Variants in DHTKD1 observed in about 807,000 individuals in gnomAD.
DHTKD1 encodes 2-oxoadipate dehydrogenase complex component E1.
A neutral mutation model predicts 101.8 loss-of-function variants in DHTKD1; 78 were observed. The ratio of observed to expected loss-of-function variants is 0.77; its 90% CI spans 0.64 to 0.93. DHTKD1 has a LOEUF of 0.93. Among genes scored for constraint, DHTKD1 ranks in the 40% least tolerant of loss-of-function variants. The pLI, the probability that DHTKD1 is intolerant of heterozygous loss-of-function variation, is 0.00. For synonymous variants in DHTKD1, 462 were observed against 450.3 expected, an observed-to-expected ratio of 1.03 and a Z score of -0.33; for missense variants, 1,223 against 1,161.7, an observed-to-expected ratio of 1.05 and a Z score of -0.77.
chr10:12,081,678 G>T (rs1832821849), intron 2 of DHTKD1, 51 bp downstream of exon 2: 1 of 1,605,090 alleles, frequency 6.2e-7, no homozygotes, highest in Non-Finnish European at 8.5e-7. Flanking sequence ...ACCAGGCCAG[G>T]CTCCTGCCTC....
intron 1 of DHTKD1, among the ~76,000 whole-genome samples, chr10:12,076,280 A>G (rs1348041081): frequency 1.3e-5 from 2 of 152,222 alleles, no homozygotes; most frequent in Non-Finnish European, 2.9e-5. Context: ...GATACAGACT[A>G]TCCTGGCTAA....
At position 12,069,096 on chromosome 10, in the gene DHTKD1, G is replaced by T. The variant is rs1356360135; in HGVS notation, c.63G>T (p.Trp21Cys). ...RGLGRALPLF[W>C]RGYQTERGVY... ...TCGGCCGGGCTCTCCCTCTCTTCTG[G>T]CGTGGCTACCAGACCGAGCGGGGCG... is the stretch of plus-strand genomic sequence containing the variant. The change falls in exon 1 of 17, where the codon TGG becomes TGT. Residue 21 changes from tryptophan (W) to cysteine (C), a missense_variant. By Grantham distance (215) the Trp-to-Cys change is radical. Coordinates refer to ENST00000263035, the MANE Select transcript of DHTKD1 (RefSeq NM_018706.7). The T allele has an allele frequency of 6.2e-7, 1 of 1,612,182 alleles. No homozygotes were observed.
At chr10:12,102,810 C>G (rs1833191019) in intron 10 of DHTKD1, among the ~76,000 whole-genome samples, 1 of 152,170 alleles carries the variant, frequency 6.6e-6, no homozygotes, top group African/African-American at 2.4e-5. Flanking sequence ...CTCACTGCAA[C>G]CTCTGCCTCC....
At chr10:12,119,615 C>CAAA (rs71382684) in intron 15 of DHTKD1, among the ~76,000 whole-genome samples, 63 of 89,338 alleles carry the variant, frequency 7.1e-4, no homozygotes, top group African/African-American at 2.5e-3. Context: ...GACTCCGTCT[C>CAAA]AAAAAAAAAA....
chr10:12,096,701 A>T (rs1281422626), intron 7 of DHTKD1, among the ~76,000 whole-genome samples: 1 of 152,336 alleles, frequency 6.6e-6, no homozygotes, highest in African/African-American at 2.4e-5. Flanking sequence ...TTTTATCAGG[A>T]TTAAATATGA....
intron 8 of DHTKD1, among the ~76,000 whole-genome samples, chr10:12,099,186 TA>T (rs553524920): frequency 3.9e-4 from 55 of 141,644 alleles, no homozygotes; most frequent in African/African-American, 5.4e-4. Context: ...AAGAGGAAAT[TA>T]AAAAAAAAAA....
At position 12,120,184 on chromosome 10, in the gene DHTKD1, C is replaced by T. The variant is rs769419156; in HGVS notation, c.2575C>T (p.His859Tyr). 12 of 1,612,768 alleles carry T rather than the reference C, an allele frequency of 7.4e-6. No homozygotes were observed. Among genetic ancestry groups the T allele is most frequent in the Non-Finnish European group, 1.0e-5 (12 of 1,179,174 alleles). ...EMSKYKHVKDHIWSQEEPQNM... is the reference protein window; with the variant it reads ...EMSKYKHVKDYIWSQEEPQNM... The stretch of plus-strand genomic sequence containing the variant: ...TGAAAGAATTTCTTCTCTCATAGAT[C>T]ATATTTGGAGTCAGGAGGAACCTCA... The change falls in exon 16 of 17, where the codon CAT becomes TAT. Residue 859 changes from histidine to tyrosine, a missense_variant and splice_region_variant. Coordinates refer to ENST00000263035, the MANE Select transcript of DHTKD1 (RefSeq NM_018706.7).
intron 7 of DHTKD1, among the ~76,000 whole-genome samples, chr10:12,095,829 A>AAAG (rs1161503766): frequency 9.9e-5 from 9 of 90,534 alleles, no homozygotes; most frequent in Non-Finnish European, 1.7e-4. Flanking sequence ...AAAAAAAAAA[A>AAAG]AAAAGAAAAG....
At chr10:12,083,015 C>A (rs1325204425) in intron 2 of DHTKD1, among the ~76,000 whole-genome samples, 1 of 152,090 alleles carries the variant, frequency 6.6e-6, no homozygotes, top group South Asian at 2.1e-4. Context: ...GTAGCAGGCA[C>A]CTGTAGTCCC....
chr10:12,091,612 A>T lies in DHTKD1; in HGVS notation c.1087A>T (p.Ile363Phe). Residue 363 changes from isoleucine (I) to phenylalanine (F), a missense_variant, in exon 6 of 17, where the codon ATT (isoleucine) becomes TTT (phenylalanine). Ile to Phe is a conservative substitution (Grantham distance 21, BLOSUM62 0). Transcript: ENST00000263035. ...CAGAATTGGTGGGAGTGTGCATTTGATTGTTAATAACCAGCTGGGTTACAC... is the reference window on the plus strand; with the variant it reads ...CAGAATTGGTGGGAGTGTGCATTTGTTTGTTAATAACCAGCTGGGTTACAC... The part of the protein sequence containing the change: ...HFRIGGSVHL[I>F]VNNQLGYTTP... 6.2e-7 allele frequency: 1 copy of T among 1,613,694 alleles called. No individual in the cohort carries two copies. Among genetic ancestry groups the T allele is most frequent in the East Asian group, 2.2e-5 (1 of 44,860 alleles).
chr10:12,121,770 A>G lies in DHTKD1; in HGVS notation c.*882A>G, dbSNP rs946022732. Reference sequence around the variant, plus strand: ...GCAAGACTCCATCTCATAAATTAAAAGGAAAGTATGATAGTGTTATGGATT... The same window carrying G: ...GCAAGACTCCATCTCATAAATTAAAGGGAAAGTATGATAGTGTTATGGATT... On this transcript the variant is annotated 3_prime_UTR_variant, in exon 17 of 17. Coordinates refer to ENST00000263035, the MANE Select transcript of DHTKD1 (RefSeq NM_018706.7). The G allele has an allele frequency of 6.6e-6, 1 of 152,188 alleles. No individual in the cohort carries two copies. Among genetic ancestry groups the G allele is most frequent in the Non-Finnish European group, 1.5e-5 (1 of 68,038 alleles). The allele number at this position is 152,188 out of a possible 1,614,324, so 9.4% of individuals were successfully genotyped here. A position where few individuals can be genotyped will look rare whatever the true frequency, so the allele number is the denominator to read the frequency against.
In DHTKD1 at chr10:12,106,231, C is replaced by G; in HGVS notation, c.1897-15C>G. 1 of 1,614,124 alleles carries G rather than the reference C, an allele frequency of 6.2e-7. No homozygotes were observed. The highest frequency in any genetic ancestry group is 2.2e-5 in the East Asian group (1 of 44,882). On this transcript the variant is annotated splice_polypyrimidine_tract_variant and intron_variant, in intron 10 of 16. Coordinates refer to ENST00000263035, the MANE Select transcript of DHTKD1 (RefSeq NM_018706.7). Reference sequence around the variant, plus strand: ...GCCCTCACATGCAGCGTTTCCTTCTCTTCTCTGGGATTAGGTCAGCAACAG... The same window carrying G: ...GCCCTCACATGCAGCGTTTCCTTCTGTTCTCTGGGATTAGGTCAGCAACAG...
chr10:12,112,500 GCACACACACA>G (rs141598482), intron 12 of DHTKD1, among the ~76,000 whole-genome samples: 128 of 151,054 alleles, frequency 8.5e-4, no homozygotes, highest in South Asian at 2.3e-3. Context: ...AAGCACGCGT[GCACACACACA>G]CACACACACA....
intron 16 of DHTKD1, 72 bp downstream of exon 16, chr10:12,120,339 C>CTTT: frequency 1.5e-5 from 16 of 1,065,132 alleles, no homozygotes; most frequent in Middle Eastern, 2.4e-4. Context: ...TTCTTTCTTT[C>CTTT]TTTTTTTTTT....
At chr10:12,105,852 T>C (rs976945343) in intron 10 of DHTKD1, among the ~76,000 whole-genome samples, 1 of 152,022 alleles carries the variant, frequency 6.6e-6, no homozygotes, top group African/African-American at 2.4e-5. Context: ...CCCAGCACTT[T>C]GGGGGGCCAA....
At chr10:12,078,409 A>G (rs1832765839) in intron 1 of DHTKD1, among the ~76,000 whole-genome samples, 1 of 151,934 alleles carries the variant, frequency 6.6e-6, no homozygotes, top group African/African-American at 2.4e-5. Context: ...TGGGCAACAG[A>G]GCAAGACTCC....
Position 12,083,490 on chromosome 10 carries a change from T to G in DHTKD1, c.311-1050T>G, listed in dbSNP as rs188923999. Among the ~76,000 whole-genome samples the G allele has an allele frequency of 3.8e-3, 574 of 152,140 alleles. 2 individuals carry two copies. Among genetic ancestry groups the G allele is most frequent in the Non-Finnish European group, 6.2e-3 (422 of 68,000 alleles). ...TGGCTTATGCCTGTAATCTCAGCAC[T>G]TGGAGAGGCCGAGGCAAGAGGATCA... On this transcript the variant is annotated intron_variant, in intron 2 of 16. Coordinates refer to ENST00000263035, the MANE Select transcript of DHTKD1 (RefSeq NM_018706.7).
chr10:12,078,658 G>A (rs1019067466), intron 1 of DHTKD1, among the ~76,000 whole-genome samples: 9 of 152,104 alleles, frequency 5.9e-5, no homozygotes, highest in East Asian at 3.9e-4. Context: ...GCATTGACAT[G>A]GGTTCTTCTC....
chr10:12,088,851 C>T, intron 4 of DHTKD1, 135 bp from the exon 5 acceptor site: 1 of 793,352 alleles, frequency 1.3e-6, no homozygotes, highest in Non-Finnish European at 2.0e-6. Flanking sequence ...TCCCAAAGTG[C>T]TGGAATTACA....
Sources: allele counts gnomAD v4.1 joint callset (sites outside exome capture counted in the v4.1 genomes callset), GRCh38; gene constraint gnomAD v4.1.1; transcripts MANE v1.5; gene names NCBI Gene and HGNC (gene_info 2026-07-23, HGNC 2026-07-21).